Variants in CFAP20DC observed in about 807,000 individuals in gnomAD.
CFAP20DC encodes protein CFAP20DC.
CFAP20DC carries 84 observed loss-of-function variants against 101.7 expected under a neutral mutation model. That is an observed-to-expected ratio of 0.83 (90% CI 0.69 to 0.99). The LOEUF is 0.99. Among genes scored for constraint, CFAP20DC ranks in the 50% least tolerant of loss-of-function variants. The pLI is 0.00. For missense variants in CFAP20DC, 1,007 were observed against 970.3 expected (o/e 1.04, Z -0.50); for synonymous variants, 359 against 351.2 (o/e 1.02, Z -0.25).
At chr3:58,796,632 T>TTC (rs1230668307) in intron 15 of CFAP20DC, among the ~76,000 whole-genome samples, 1 of 152,136 alleles carries the variant, frequency 6.6e-6, no homozygotes, top group African/African-American at 2.4e-5. Context: ...CAGCTTCAGG[T>TTC]TCTCTCTCTC....
At chr3:58,734,451 G>T (rs1403986066) in intron 3 of CFAP20DC, 2 of 435,058 alleles carry the variant, frequency 4.6e-6, no homozygotes, top group African/African-American at 4.1e-5. Context: ...TCACACCAGT[G>T]AACATTTACT....
In CFAP20DC at chr3:58,812,247, C is replaced by A. The variant is rs531930510; in HGVS notation, c.2176-5791G>T. Among the ~76,000 whole-genome samples, 6 of 152,248 alleles carry A rather than the reference C, an allele frequency of 3.9e-5. No individual in the cohort carries two copies. The South Asian group carries it at 6.2e-4, about 16-fold the overall frequency. ...TATAAATCATGCTGCTATAAAGACA[C>A]ATGCACACGTATGTTTATTGCGGCT... On this transcript the variant is annotated intron_variant, in intron 14 of 16. Coordinates refer to ENST00000482387, the MANE Select transcript of CFAP20DC (RefSeq NM_001394063.1).
chr3:58,803,820 T>C (rs887447740), intron 15 of CFAP20DC, among the ~76,000 whole-genome samples: 1 of 152,242 alleles, frequency 6.6e-6, no homozygotes, highest in Non-Finnish European at 1.5e-5. Context: ...TTTTATTTCA[T>C]TATGCAGAAG....
intron 4 of CFAP20DC, among the ~76,000 whole-genome samples, chr3:58,975,276 A>C (rs1477676895): frequency 6.6e-6 from 1 of 152,044 alleles, no homozygotes; most frequent in African/African-American, 2.4e-5. Context: ...AGTTTTTTTC[A>C]GAGTACTTAC....
intron 4 of CFAP20DC, among the ~76,000 whole-genome samples, chr3:58,978,829 C>T (rs1228852086): frequency 6.6e-6 from 1 of 151,912 alleles, no homozygotes; most frequent in African/African-American, 2.4e-5. Context: ...TCAAGGAGCA[C>T]ATGAGAAACA....
chr3:58,907,529 T>C (rs1160740163), intron 6 of CFAP20DC, among the ~76,000 whole-genome samples: 1 of 152,202 alleles, frequency 6.6e-6, no homozygotes, highest in Non-Finnish European at 1.5e-5. Flanking sequence ...TTGTATTTGA[T>C]TGGATCTCTA....
chr3:58,879,653 G>A (rs2081067767), intron 7 of CFAP20DC, among the ~76,000 whole-genome samples: 1 of 152,080 alleles, frequency 6.6e-6, no homozygotes, highest in African/African-American at 2.4e-5. Flanking sequence ...CAACAAGGAA[G>A]CAATCAAGTA....
intron 3 of CFAP20DC, chr3:58,734,693 T>C (rs2067711721): frequency 4.8e-6 from 2 of 412,634 alleles, no homozygotes; most frequent in Non-Finnish European, 9.7e-6. Flanking sequence ...TGCCTTCCTG[T>C]CTCTTGGCCT....
chr3:58,803,347 C>T (rs2073842264), intron 15 of CFAP20DC, among the ~76,000 whole-genome samples: 1 of 152,150 alleles, frequency 6.6e-6, no homozygotes, highest in East Asian at 1.9e-4. Context: ...ATCACGGGTT[C>T]AAGTTAGATG....
intron 4 of CFAP20DC, among the ~76,000 whole-genome samples, chr3:59,004,583 T>C (rs2093389862): frequency 6.6e-6 from 1 of 152,146 alleles, no homozygotes; most frequent in South Asian, 2.1e-4. Flanking sequence ...TATTATCTTT[T>C]AAAAAAATTA....
At chr3:58,881,203 A>T (rs957958425) in intron 7 of CFAP20DC, among the ~76,000 whole-genome samples, 3 of 152,162 alleles carry the variant, frequency 2.0e-5, no homozygotes, top group African/African-American at 7.2e-5. Flanking sequence ...GTCTCTTCTC[A>T]TTTAAAAAGG....
intron 13 of CFAP20DC, among the ~76,000 whole-genome samples, chr3:58,841,741 C>A (rs907643259): frequency 1.7e-4 from 26 of 152,278 alleles, no homozygotes; most frequent in African/African-American, 6.3e-4. Context: ...TATTAAAAGT[C>A]ATGTCTCTTT....
At chr3:59,036,375 C>T (rs1450156311) in intron 4 of CFAP20DC, among the ~76,000 whole-genome samples, 4 of 152,158 alleles carry the variant, frequency 2.6e-5, no homozygotes, top group African/African-American at 7.2e-5. Flanking sequence ...TTGCAGATGA[C>T]ATGATTGCAT....
chr3:59,044,296 C>T (rs1254024722), intron 3 of CFAP20DC, among the ~76,000 whole-genome samples: 1 of 152,038 alleles, frequency 6.6e-6, no homozygotes, highest in African/African-American at 2.4e-5. Context: ...TTTAACCATA[C>T]AAACTTCACA....
At chr3:58,872,911 G>T (rs758104634) in intron 7 of CFAP20DC, among the ~76,000 whole-genome samples, 3 of 150,160 alleles carry the variant, frequency 2.0e-5, no homozygotes, top group Non-Finnish European at 4.4e-5. Flanking sequence ...GCAGAATTCC[G>T]GATTCCTATT....
In CFAP20DC at chr3:58,897,756, C is replaced by G. The variant is rs762591671; in HGVS notation, c.551-13047G>C. On this transcript the variant is annotated intron_variant, in intron 6 of 16. Transcript: ENST00000482387. The surrounding 1 kb of genome is among the most constrained non-coding windows in gnomAD (Gnocchi z 4.4). The stretch of plus-strand genomic sequence containing the variant: ...TTCTGCTGGGAGTTCTGCTGCTAGT[C>G]TGATGGGCTTCCCTTTGTATGCGAA... Among the ~76,000 whole-genome samples, 7 of 152,202 alleles carry G rather than the reference C, an allele frequency of 4.6e-5. No homozygotes were observed. Among genetic ancestry groups the G allele is most frequent in the Non-Finnish European group, 8.8e-5 (6 of 68,036 alleles).
chr3:58,760,787 G>A (rs1439632652), intron 15 of CFAP20DC, among the ~76,000 whole-genome samples: 2 of 152,188 alleles, frequency 1.3e-5, no homozygotes, highest in Non-Finnish European at 1.5e-5. Flanking sequence ...CATCTATTGA[G>A]ATAATCATGT....
At chr3:58,919,232 C>T (rs1199661639) in intron 5 of CFAP20DC, among the ~76,000 whole-genome samples, 2 of 152,110 alleles carry the variant, frequency 1.3e-5, no homozygotes, top group Non-Finnish European at 2.9e-5. Context: ...ATTTAAGGCT[C>T]ATGAGTGTTG....
At chr3:58,904,971 A>G (rs1338690704) in intron 6 of CFAP20DC, among the ~76,000 whole-genome samples, 1 of 152,224 alleles carries the variant, frequency 6.6e-6, no homozygotes, top group African/African-American at 2.4e-5. Flanking sequence ...TTAATTAATC[A>G]AACACTTATG....
Sources: gnomAD v4.1 joint callset for allele counts (sites outside exome capture counted in the v4.1 genomes callset) on GRCh38, gnomAD v4.1.1 for gene constraint, Gnocchi (gnomAD v3.1) non-coding constraint, MANE v1.5 for transcripts, NCBI Gene and HGNC (gene_info 2026-07-23, HGNC 2026-07-21) for gene names.